MED13: variants seen among roughly 807,000 people sequenced by gnomAD.
The protein encoded by MED13 is mediator of RNA polymerase II transcription subunit 13.
Under a neutral mutation model 225.2 loss-of-function variants are expected in MED13, and 23 were observed. The ratio of observed to expected loss-of-function variants is 0.10; its 90% CI spans 0.07 to 0.14. The LOEUF is 0.14. Ranked by LOEUF, MED13 falls within the 10% of genes least tolerant of loss-of-function variation. MED13 has a pLI of 1.00. For missense variants in MED13, 2,197 were observed against 2,594.5 expected (o/e 0.85, Z 3.33); for synonymous variants, 942 against 889.2 (o/e 1.06, Z -1.06).
chr17:62,048,037 C>CATATAT (rs1555644418), intron 3 of MED13, among the ~76,000 whole-genome samples: 1 of 121,358 alleles, frequency 8.2e-6, no homozygotes, highest in African/African-American at 3.3e-5. Context: ...TATACATATA[C>CATATAT]ATATACATAT....
intron 16 of MED13, 52 bp downstream of exon 16, chr17:61,982,146 G>A: frequency 1.3e-6 from 2 of 1,502,664 alleles, no homozygotes; most frequent in Non-Finnish European, 1.8e-6. Context: ...TCCTAAGAAT[G>A]TAACTAAAGG....
At position 62,030,002 on chromosome 17, in the gene MED13, A is replaced by G; in HGVS notation, c.1021T>C (p.Ser341Pro). 1 of 1,578,876 alleles carries G rather than the reference A, an allele frequency of 6.3e-7. No homozygotes were observed. Among genetic ancestry groups the G allele is most frequent in the Non-Finnish European group, 8.6e-7 (1 of 1,162,566 alleles). The stretch of plus-strand genomic sequence containing the variant: ...GAAAATTTGACCCACTTCTGGACAG[A>G]CTGAGGATCAACTGAAAACAAAACA... ...PEEVQTVDPQ[S>P]VQKWVKFSSV... The change falls in exon 7 of 30, where the codon TCT becomes CCT. Residue 341 changes from serine to proline, a missense_variant. Around this residue, in one of 12 missense-constraint regions of MED13, gnomAD observed 884 missense variants for 918.5 expected, o/e 0.96. Transcript: ENST00000397786.
At chr17:62,009,010 C>G (rs1446955929) in intron 9 of MED13, among the ~76,000 whole-genome samples, 6 of 152,042 alleles carry the variant, frequency 3.9e-5, no homozygotes, top group Non-Finnish European at 7.4e-5. Flanking sequence ...CTATTAGTAG[C>G]ATTTAAGCAA....
At chr17:61,994,606 C>T (rs79649894) in intron 10 of MED13, among the ~76,000 whole-genome samples, 3,084 of 152,256 alleles carry the variant, frequency 0.02, 100 homozygotes, top group African/African-American at 0.07. Flanking sequence ...TTTAATATGC[C>T]CTTTATCCAA....
intron 10 of MED13, among the ~76,000 whole-genome samples, chr17:61,993,195 T>TA (rs2080316065): frequency 7.2e-6 from 1 of 138,104 alleles, no homozygotes; most frequent in African/African-American, 3.3e-5. Flanking sequence ...TTTCTTTCTT[T>TA]CTTTCTTTTT....
intron 9 of MED13, among the ~76,000 whole-genome samples, chr17:62,002,418 G>T (rs906730767): frequency 3.3e-5 from 5 of 151,408 alleles, no homozygotes; most frequent in African/African-American, 4.9e-5. Context: ...GAACCTGGGA[G>T]GCGGAGGTTG....
chr17:61,981,463 C>T (rs2080203962), intron 16 of MED13, among the ~76,000 whole-genome samples: 1 of 152,196 alleles, frequency 6.6e-6, no homozygotes, highest in South Asian at 2.1e-4. Flanking sequence ...TGGTGAATGG[C>T]TACCTCCTAA....
intron 23 of MED13, among the ~76,000 whole-genome samples, chr17:61,960,471 C>T (rs539968420): frequency 6.6e-6 from 1 of 152,102 alleles, no homozygotes; most frequent in Non-Finnish European, 1.5e-5. Flanking sequence ...TTTTAAATCG[C>T]CAATTTTAGT....
rs777840582 is a variant in MED13 at position 62,035,425 on chromosome 17, A to G, written c.616+38T>C. 1.4e-4 allele frequency: 206 copies of G among 1,497,870 alleles called. 1 individual carries two copies. Among genetic ancestry groups the G allele is most frequent in the Middle Eastern group, 9.1e-4 (4 of 4,390 alleles). 92.8% of individuals were successfully genotyped at this position (1,497,870 alleles called of 1,614,324 possible). A position where few individuals can be genotyped will look rare whatever the true frequency, so the allele number is the denominator to read the frequency against. On this transcript the variant is annotated intron_variant, in intron 4 of 29. Coordinates refer to ENST00000397786, the MANE Select transcript of MED13 (RefSeq NM_005121.3). Reference sequence around the variant, plus strand: ...TATGAAGTCAAATAAGGATCTTTCAATAAAAGATCAAATACCTAATATAAT... The same window carrying G: ...TATGAAGTCAAATAAGGATCTTTCAGTAAAAGATCAAATACCTAATATAAT...
chr17:62,036,758 C>T (rs1459232201), intron 3 of MED13: 2 of 152,122 alleles, frequency 1.3e-5, no homozygotes, highest in East Asian at 1.9e-4. Flanking sequence ...GGAGTCAATA[C>T]AAAATGTCTA....
chr17:61,961,606 A>G lies in MED13; in HGVS notation c.5238T>C (p.Thr1746=). The part of the protein sequence containing the change: ...TGFGPGLAME[T]ALRSPDRPEC... ...TACTTACATCAGGACTTCTAAGGGC[A>G]GTTTCCATGGCTAAACCTGGACCAA... Residue 1746 remains threonine (T), a synonymous_variant, in exon 22 of 30, where the codon ACT becomes ACC. Transcript: ENST00000397786. 2 of 1,613,016 alleles carry G rather than the reference A, an allele frequency of 1.2e-6. No individual in the cohort carries two copies. The highest frequency in any genetic ancestry group is 1.7e-6 in the Non-Finnish European group (2 of 1,179,454).
At chr17:62,003,994 T>G (rs1305946081) in intron 9 of MED13, 1 of 152,244 alleles carries the variant, frequency 6.6e-6, no homozygotes, top group Non-Finnish European at 1.5e-5. Flanking sequence ...TACATTTATT[T>G]AAAGTTATGG....
chr17:61,968,179 T>A lies in MED13; in HGVS notation c.4047A>T (p.Pro1349=), dbSNP rs755000632. Residue 1349 remains proline, a synonymous_variant, in exon 18 of 30, where the codon CCA becomes CCT. Coordinates refer to ENST00000397786, the MANE Select transcript of MED13 (RefSeq NM_005121.3). ...GYDYDYLVLS[P]FALPYWERLM... is the part of the protein sequence containing the mutation. ...GTCTCTCCCAATAAGGAAGAGCAAA[T>A]GGAGAAAGCACCAGATAATCATAAT... 3 of 1,614,042 alleles carry A rather than the reference T, an allele frequency of 1.9e-6. No homozygotes were observed. The Admixed American group carries it at 5.0e-5, about 27-fold the overall frequency.
chr17:62,028,502 T>C lies in MED13; in HGVS notation c.1283+1039A>G, dbSNP rs571011838. Among the ~76,000 whole-genome samples the C allele has an allele frequency of 2.6e-5, 4 of 152,026 alleles. No homozygotes were observed. The East Asian group carries it at 7.7e-4, about 29-fold the overall frequency. ...TACAGCAAACCCTTGTGACATGACT[T>C]TACCTATTTCACAAACCTGCACATG... is the stretch of plus-strand genomic sequence containing the variant. On this transcript the variant is annotated intron_variant, in intron 8 of 29. Transcript: ENST00000397786.
chr17:62,055,415 C>A (rs1041958347), intron 2 of MED13, among the ~76,000 whole-genome samples: 3 of 151,726 alleles, frequency 2.0e-5, no homozygotes, highest in Non-Finnish European at 4.4e-5. Context: ...AAAACCTTTG[C>A]AATAGTAAAA....
At position 61,965,300 on chromosome 17, in the gene MED13, G is replaced by T. The variant is rs1004537392; in HGVS notation, c.4550C>A (p.Thr1517Asn). ...TGAAGTAGATATGGCAACACCTGAA[G>T]TCACTGTCATAGTGCTGCTCGCTGC... The part of the protein sequence containing the change: ...ASAASSTMTV[T>N]SGVAISTSVA... The change falls in exon 20 of 30, where the codon ACT (threonine) becomes AAT (asparagine). Residue 1517 changes from threonine (T) to asparagine (N), a missense_variant. Transcript: ENST00000397786. The T allele has an allele frequency of 2.5e-6, 4 of 1,614,230 alleles. No individual in the cohort carries two copies. Among genetic ancestry groups the T allele is most frequent in the Non-Finnish European group, 3.4e-6 (4 of 1,180,034 alleles).
intron 9 of MED13, among the ~76,000 whole-genome samples, chr17:62,008,859 A>C (rs1029814057): frequency 1.3e-5 from 2 of 152,206 alleles, no homozygotes; most frequent in African/African-American, 4.8e-5. Context: ...AACAGAAATA[A>C]GAAAGTATTA....
intron 3 of MED13, among the ~76,000 whole-genome samples, chr17:62,045,989 T>C (rs1453949170): frequency 6.6e-6 from 1 of 152,202 alleles, no homozygotes; most frequent in Non-Finnish European, 1.5e-5. Context: ...TAAGCAATAT[T>C]ATTTTCTCCT....
At chr17:61,949,336 C>T (rs2079877546) in intron 28 of MED13, among the ~76,000 whole-genome samples, 1 of 151,902 alleles carries the variant, frequency 6.6e-6, no homozygotes, top group Non-Finnish European at 1.5e-5. Context: ...TGCGATCCTC[C>T]CTCCTGCCCC....
Sources: gnomAD v4.1 joint callset for allele counts (sites outside exome capture counted in the v4.1 genomes callset) on GRCh38, gnomAD v4.1.1 for gene constraint, gnomAD v4.1.1 regional missense constraint, MANE v1.5 for transcripts, NCBI Gene and HGNC (gene_info 2026-07-23, HGNC 2026-07-21) for gene names.